The following PIK3CB variants were observed in gnomAD, a reference collection of about 807,000 sequenced individuals.
The protein encoded by PIK3CB is phosphatidylinositol 4,5-bisphosphate 3-kinase catalytic subunit beta isoform.
In PIK3CB, 39 loss-of-function variants were observed where a neutral mutation model predicts 136.8. That is an observed-to-expected ratio of 0.29 (90% CI 0.22 to 0.37). The LOEUF is 0.37. PIK3CB is among the 10% of genes least tolerant of loss of function. The pLI, the probability that PIK3CB is intolerant of heterozygous loss-of-function variation, is 1.00. For missense variants in PIK3CB, 868 were observed against 1,275.4 expected (o/e 0.68, Z 4.87); for synonymous variants, 428 against 436.6 (o/e 0.98, Z 0.25).
rs995389044 is a variant in PIK3CB, at chr3:138,759,395, AT to A, written c.-16-37del. ...GTAATTAAAACATAGCAAAACAACC[AT>A]CAGCCAAATTTTATACCAAGATATG... On this transcript the variant is annotated intron_variant, in intron 2 of 23. Transcript: ENST00000674063. 8.3e-6 allele frequency: 12 copies of A among 1,446,984 alleles called. No homozygotes were observed. In the African/African-American group the frequency reaches 1.4e-4, roughly 17 times the overall value. 89.6% of individuals were successfully genotyped at this position (1,446,984 alleles called of 1,614,324 possible). A position where few individuals can be genotyped will look rare whatever the true frequency, so the allele number is the denominator to read the frequency against.
At chr3:138,782,226 A>T (rs2045930798) in intron 2 of PIK3CB, among the ~76,000 whole-genome samples, 1 of 152,238 alleles carries the variant, frequency 6.6e-6, no homozygotes. Context: ...CTATAAGGCC[A>T]TGATGCAGTT....
chr3:138,768,368 C>T (rs1235742171), intron 2 of PIK3CB, among the ~76,000 whole-genome samples: 1 of 152,192 alleles, frequency 6.6e-6, no homozygotes, highest in African/African-American at 2.4e-5. Flanking sequence ...GAATGGGTAG[C>T]TCTTCTTTGC....
chr3:138,819,493 A>G (rs575645561), intron 1 of PIK3CB, among the ~76,000 whole-genome samples: 1 of 152,338 alleles, frequency 6.6e-6, no homozygotes, highest in Admixed American at 6.5e-5. Flanking sequence ...GGAAAACTGA[A>G]TATTAAAACC....
chr3:138,817,657 G>A (rs1181115501), intron 1 of PIK3CB, among the ~76,000 whole-genome samples: 1 of 152,208 alleles, frequency 6.6e-6, no homozygotes, highest in Non-Finnish European at 1.5e-5. Flanking sequence ...GTAGATGCTA[G>A]TAGGCTGATG....
chr3:138,737,589 T>G (rs1437881367), intron 6 of PIK3CB, 118 bp downstream of exon 6: 3 of 297,362 alleles, frequency 1.0e-5, no homozygotes, highest in African/African-American at 4.4e-5. Flanking sequence ...CTGTATAATT[T>G]TCTGTATATT....
At chr3:138,661,658 A>G (rs1228375442) in intron 21 of PIK3CB, among the ~76,000 whole-genome samples, 3 of 152,254 alleles carry the variant, frequency 2.0e-5, no homozygotes, top group Non-Finnish European at 2.9e-5. Flanking sequence ...TCAATCGTAC[A>G]TGGTGCATTC....
At chr3:138,713,184 T>G (rs1049692016) in intron 9 of PIK3CB, among the ~76,000 whole-genome samples, 1 of 147,060 alleles carries the variant, frequency 6.8e-6, no homozygotes, top group Non-Finnish European at 1.5e-5. Flanking sequence ...TTTAGGGTAT[T>G]TTTTTTTTTT....
chr3:138,704,640 G>C lies in PIK3CB; in HGVS notation c.1531-147C>G, dbSNP rs1022877080. The C allele has an allele frequency of 4.6e-6, 3 of 645,726 alleles. No homozygotes were observed. In the African/African-American group the frequency reaches 5.4e-5, roughly 12 times the overall value. 40.0% of individuals were successfully genotyped at this position (645,726 alleles called of 1,614,324 possible). A position where few individuals can be genotyped will look rare whatever the true frequency, so the allele number is the denominator to read the frequency against. On this transcript the variant is annotated intron_variant, in intron 11 of 23. Coordinates refer to ENST00000674063, the MANE Select transcript of PIK3CB (RefSeq NM_006219.3). The stretch of plus-strand genomic sequence containing the variant: ...ACATGAATTTTAAAAGCAAAATGAT[G>C]CTTCTCAAGTGCTTTAAACTCTTGA...
At chr3:138,730,727 A>T (rs1285762295) in intron 8 of PIK3CB, among the ~76,000 whole-genome samples, 1 of 152,156 alleles carries the variant, frequency 6.6e-6, no homozygotes, top group Admixed American at 6.5e-5. Flanking sequence ...GTTCAAGACC[A>T]GCATTGGCAA....
chr3:138,830,194 G>A (rs897884613), intron 1 of PIK3CB, among the ~76,000 whole-genome samples: 1 of 152,142 alleles, frequency 6.6e-6, no homozygotes, highest in Non-Finnish European at 1.5e-5. Flanking sequence ...TTTACATAAT[G>A]TGATTTTCTA....
intron 4 of PIK3CB, among the ~76,000 whole-genome samples, chr3:138,743,819 A>C (rs1462489784): frequency 6.6e-6 from 1 of 152,132 alleles, no homozygotes; most frequent in Non-Finnish European, 1.5e-5. Flanking sequence ...CCTCAGTCTG[A>C]CAAAGTGCTG....
chr3:138,743,665 C>T (rs890542279), intron 4 of PIK3CB, among the ~76,000 whole-genome samples: 6 of 152,084 alleles, frequency 3.9e-5, no homozygotes, highest in Non-Finnish European at 5.9e-5. Context: ...TGGGCTCAAG[C>T]GATCCTCCCA....
chr3:138,815,162 A>AAAAAAAAAAAT (rs1553743711), intron 1 of PIK3CB, among the ~76,000 whole-genome samples: 1 of 62,476 alleles, frequency 1.6e-5, no homozygotes, highest in African/African-American at 6.5e-5. Context: ...AAAAAAAAAA[A>AAAAAAAAAAAT]ATATATATAT....
intron 6 of PIK3CB, among the ~76,000 whole-genome samples, chr3:138,735,209 A>C (rs887377924): frequency 3.9e-5 from 6 of 152,014 alleles, no homozygotes; most frequent in Admixed American, 6.6e-5. Flanking sequence ...TTGACCTCCC[A>C]AAGTGCTAGG....
At chr3:138,805,717 TTTG>T (rs1242294665) in intron 1 of PIK3CB, among the ~76,000 whole-genome samples, 2 of 151,312 alleles carry the variant, frequency 1.3e-5, no homozygotes, top group Admixed American at 1.3e-4. Flanking sequence ...CATCTTCTCT[TTTG>T]TTGTTGTTGT....
chr3:138,690,723 CA>C (rs533393475), intron 15 of PIK3CB, among the ~76,000 whole-genome samples: 2,689 of 84,534 alleles, frequency 0.032, 39 homozygotes, highest in Non-Finnish European at 0.046. Flanking sequence ...AAAACACACA[CA>C]AAAAAAAAAA....
intron 2 of PIK3CB, among the ~76,000 whole-genome samples, chr3:138,787,924 T>A (rs946637797): frequency 3.1e-5 from 1 of 32,608 alleles, no homozygotes; most frequent in Non-Finnish European, 6.8e-5. Flanking sequence ...CTAGAAGACT[T>A]TTTTTTTTTT....
intron 4 of PIK3CB, among the ~76,000 whole-genome samples, chr3:138,743,119 C>T (rs150938387): frequency 0.013 from 1,995 of 152,050 alleles, 43 homozygotes; most frequent in Middle Eastern, 0.048. Context: ...TATTTACAAA[C>T]CAAGTATTAA....
intron 15 of PIK3CB, 30 bp from the exon 16 acceptor site, chr3:138,689,004 T>A (rs1164842549): frequency 1.5e-6 from 2 of 1,367,218 alleles, no homozygotes; most frequent in Non-Finnish European, 2.1e-6. Flanking sequence ...TCTGAACAGT[T>A]TGTTTATCAA....
Sources: gnomAD v4.1 joint callset for allele counts (sites outside exome capture counted in the v4.1 genomes callset) on GRCh38, gnomAD v4.1.1 for gene constraint, MANE v1.5 for transcripts, NCBI Gene and HGNC (gene_info 2026-07-23, HGNC 2026-07-21) for gene names.